The following MKLN1 variants were observed in gnomAD, a reference collection of about 807,000 sequenced individuals.
The protein encoded by MKLN1 is muskelin 1.
Under a neutral mutation model 99.0 loss-of-function variants are expected in MKLN1, and 18 were observed. The observed-to-expected ratio is 0.18, with a 90% CI of 0.13 to 0.27. The LOEUF (loss-of-function observed/expected upper bound fraction) is 0.27. Among genes scored for constraint, MKLN1 ranks in the 10% least tolerant of loss-of-function variants. MKLN1 has a pLI of 1.00. For missense variants in MKLN1, 621 were observed against 875.9 expected (o/e 0.71, Z 3.67); for synonymous variants, 288 against 293.2 (o/e 0.98, Z 0.18).
At chr7:131,167,533 A>G (rs113193049) in intron 2 of MKLN1, among the ~76,000 whole-genome samples, 1 of 151,890 alleles carries the variant, frequency 6.6e-6, no homozygotes, top group African/African-American at 2.4e-5. Context: ...TTAACCAGGT[A>G]TGATGGCACA....
At chr7:131,316,923 G>C (rs1263974817) in intron 3 of MKLN1, among the ~76,000 whole-genome samples, 1 of 152,122 alleles carries the variant, frequency 6.6e-6, no homozygotes, top group African/African-American at 2.4e-5. Context: ...GAATGAAAAG[G>C]AATGAACAAA....
chr7:131,129,345 C>T (rs1004063265), intron 1 of MKLN1, among the ~76,000 whole-genome samples: 1 of 152,118 alleles, frequency 6.6e-6, no homozygotes, highest in East Asian at 1.9e-4. Context: ...TTATTTAACA[C>T]AGCAATTTCA....
chr7:131,233,277 G>A (rs1563261369), intron 3 of MKLN1, among the ~76,000 whole-genome samples: 1 of 151,866 alleles, frequency 6.6e-6, no homozygotes, highest in Non-Finnish European at 1.5e-5. Flanking sequence ...GGGAGGCTGA[G>A]GTGGGAGATC....
chr7:131,185,577 C>A (rs1563244816), intron 2 of MKLN1, among the ~76,000 whole-genome samples: 1 of 149,504 alleles, frequency 6.7e-6, no homozygotes, highest in Non-Finnish European at 1.5e-5. Flanking sequence ...GATTCCATCT[C>A]AAAAAAAAAT....
chr7:131,470,438 A>C (rs763620497), intron 15 of MKLN1, among the ~76,000 whole-genome samples: 1 of 152,220 alleles, frequency 6.6e-6, no homozygotes, highest in Non-Finnish European at 1.5e-5. Flanking sequence ...GAAAATACAC[A>C]AATCTAAGCA....
intron 3 of MKLN1, among the ~76,000 whole-genome samples, chr7:131,273,895 C>T (rs759828410): frequency 1.1e-4 from 16 of 152,060 alleles, no homozygotes; most frequent in African/African-American, 1.2e-4. Flanking sequence ...TGTGAGCCAC[C>T]GCGCCCAGCC....
intron 2 of MKLN1, among the ~76,000 whole-genome samples, chr7:131,143,706 T>C (rs761606159): frequency 7.2e-5 from 11 of 151,886 alleles, no homozygotes; most frequent in Admixed American, 2.6e-4. Context: ...CATGTGCCTA[T>C]AGACCCAGCT....
At chr7:131,111,051 G>A (rs895413773) in intron 1 of MKLN1, among the ~76,000 whole-genome samples, 1 of 152,190 alleles carries the variant, frequency 6.6e-6, no homozygotes, top group Non-Finnish European at 1.5e-5. Flanking sequence ...CTGGAGTGTA[G>A]TTCTCCAGAC....
chr7:131,231,119 CAAAAAAAAAAAA>C (rs58048470), intron 3 of MKLN1, among the ~76,000 whole-genome samples: 2 of 60,368 alleles, frequency 3.3e-5, no homozygotes, highest in Admixed American at 2.8e-4. Flanking sequence ...GACTCTGTCT[CAAAAAAAAAAAA>C]AAAAAAAAAA....
intron 1 of MKLN1, among the ~76,000 whole-genome samples, chr7:131,125,236 C>T (rs1419426844): frequency 4.6e-5 from 7 of 152,178 alleles, no homozygotes; most frequent in Non-Finnish European, 8.8e-5. Context: ...GAAAAGTGAT[C>T]GTCAAATAAA....
intron 9 of MKLN1, among the ~76,000 whole-genome samples, chr7:131,434,664 C>A (rs1795625865): frequency 6.6e-6 from 1 of 152,192 alleles, no homozygotes. Context: ...AGCAATCCTT[C>A]TACCTCAGTC....
chr7:131,416,755 G>T (rs1007693650), intron 8 of MKLN1, among the ~76,000 whole-genome samples: 3 of 151,836 alleles, frequency 2.0e-5, no homozygotes, highest in Non-Finnish European at 2.9e-5. Context: ...GCCAAAGGGG[G>T]AGGATCCCTT....
intron 2 of MKLN1, among the ~76,000 whole-genome samples, chr7:131,149,596 A>G (rs922336662): frequency 6.6e-6 from 1 of 152,240 alleles, no homozygotes; most frequent in African/African-American, 2.4e-5. Context: ...TTTCTCACAC[A>G]TATTCCATTC....
chr7:131,329,950 A>G (rs1055426140), intron 1 of MKLN1, among the ~76,000 whole-genome samples: 7 of 152,226 alleles, frequency 4.6e-5, no homozygotes, highest in African/African-American at 1.4e-4. Flanking sequence ...ATGACATTCT[A>G]TTGACAAATG....
At chr7:131,320,575 A>C (rs571971932) in intron 3 of MKLN1, among the ~76,000 whole-genome samples, 333 of 152,362 alleles carry the variant, frequency 2.2e-3, no homozygotes, top group Non-Finnish European at 3.7e-3. Context: ...AAAAATTGAC[A>C]AATGGGATCT....
At chr7:131,445,299 A>G (rs751593457) in intron 11 of MKLN1, among the ~76,000 whole-genome samples, 1 of 152,112 alleles carries the variant, frequency 6.6e-6, no homozygotes, top group East Asian at 1.9e-4. Context: ...CCATACATCA[A>G]GGTATTATTT....
At chr7:131,432,743 G>C (rs1423262503) in intron 9 of MKLN1, among the ~76,000 whole-genome samples, 1 of 152,136 alleles carries the variant, frequency 6.6e-6, no homozygotes, top group Non-Finnish European at 1.5e-5. Context: ...ACCGCGCCTG[G>C]CCCTCAAGTG....
intron 1 of MKLN1, among the ~76,000 whole-genome samples, chr7:131,138,153 A>G (rs1200025791): frequency 1.3e-5 from 2 of 149,884 alleles, no homozygotes; most frequent in Non-Finnish European, 3.0e-5. Context: ...TCAAACTCCA[A>G]ACCTCGGGTG....
At chr7:131,260,498 T>C (rs1316776485) in intron 3 of MKLN1, among the ~76,000 whole-genome samples, 1 of 152,188 alleles carries the variant, frequency 6.6e-6, no homozygotes, top group Admixed American at 6.5e-5. Flanking sequence ...AAACATTCCA[T>C]GCTCATGGAT....
Sources: allele counts gnomAD v4.1 joint callset (sites outside exome capture counted in the v4.1 genomes callset), GRCh38; gene constraint gnomAD v4.1.1; transcripts MANE v1.5; gene names NCBI Gene and HGNC (gene_info 2026-07-23, HGNC 2026-07-21).